The following MYOM2 variants were observed in gnomAD, a reference collection of about 807,000 sequenced individuals.
MYOM2 encodes the protein myomesin-2.
A neutral mutation model predicts 187.6 loss-of-function variants in MYOM2; 254 were observed. The ratio of observed to expected loss-of-function variants is 1.35; its 90% confidence interval spans 1.22 to 1.50. MYOM2 has a LOEUF of 1.50. Ranked by LOEUF, MYOM2 falls within the 40% of genes most tolerant of loss-of-function variation. The pLI is 0.00. For synonymous variants in MYOM2, 981 were observed against 753.8 expected (o/e 1.30, Z -4.94); for missense variants, 2,796 against 1,924.0 (o/e 1.45, Z -8.48).
intron 14 of MYOM2, among the ~76,000 whole-genome samples, chr8:2,086,538 G>GATCTCCGCGTGGCCCCCCA (rs1796081909): frequency 1.2e-5 from 1 of 80,264 alleles, no homozygotes; most frequent in African/African-American, 3.4e-5. Flanking sequence ...TGTCGTGTTT[G>GATCTCCGCGTGGCCCCCCA]CTGTGTTTTA....
At chr8:2,081,664 G>T in intron 13 of MYOM2, 1 of 155,694 alleles carries the variant, frequency 6.4e-6, no homozygotes, top group South Asian at 1.9e-4. Flanking sequence ...ATCATGTAAT[G>T]GAATGAACCT....
At chr8:2,141,057 C>A (rs1464118034) in intron 33 of MYOM2, 84 bp from the exon 34 acceptor site, 5 of 1,395,448 alleles carry the variant, frequency 3.6e-6, no homozygotes, top group Non-Finnish European at 4.9e-6. Context: ...TTTCATGAAC[C>A]AGATTCACTG....
chr8:2,079,022 A>T (rs1819531649), intron 12 of MYOM2, 89 bp downstream of exon 12: 4 of 1,301,156 alleles, frequency 3.1e-6, no homozygotes, highest in Non-Finnish European at 4.4e-6. Flanking sequence ...TCCCAACTCG[A>T]TGTGAGCCCT....
intron 31 of MYOM2, chr8:2,127,708 A>T (rs1323701628): frequency 7.5e-6 from 1 of 133,372 alleles, no homozygotes; most frequent in Non-Finnish European, 1.6e-5. Flanking sequence ...CCTCGGCGTG[A>T]CGCGGTGACG....
chr8:2,047,499 A>T (rs985380252), intron 1 of MYOM2, among the ~76,000 whole-genome samples: 3 of 152,008 alleles, frequency 2.0e-5, no homozygotes, highest in Non-Finnish European at 2.9e-5. Context: ...TGAGCTTGCT[A>T]CTCTCCCGAG....
chr8:2,053,989 C>G (rs9285034), intron 3 of MYOM2, among the ~76,000 whole-genome samples: 94,714 of 152,000 alleles, frequency 0.62, 31,799 homozygotes, highest in East Asian at 0.92. Context: ...TATTGTGAAG[C>G]CTGCTCTATC....
chr8:2,120,680 T>TATATATATATATATATATATATATAGTA, intron 28 of MYOM2, among the ~76,000 whole-genome samples: 1 of 48,294 alleles, frequency 2.1e-5, no homozygotes, highest in Middle Eastern at 0.011. Flanking sequence ...ATATATTATA[T>TATATATATATATATATATATATATAGTA]TATATATAAA....
chr8:2,098,426 G>A (rs184546319), intron 18 of MYOM2, among the ~76,000 whole-genome samples: 7 of 152,238 alleles, frequency 4.6e-5, no homozygotes, highest in Admixed American at 1.3e-4. Flanking sequence ...GGTGGGCTCC[G>A]TCTCCAGGGT....
At chr8:2,105,538 A>G (rs550477491) in intron 21 of MYOM2, among the ~76,000 whole-genome samples, 98 of 152,340 alleles carry the variant, frequency 6.4e-4, no homozygotes, top group African/African-American at 2.3e-3. Context: ...TGGTGGGCAC[A>G]TGGCTGCTGG....
At chr8:2,100,839 T>C in intron 19 of MYOM2, 37 bp from the exon 20 acceptor site, 1 of 1,611,214 alleles carries the variant, frequency 6.2e-7, no homozygotes, top group Non-Finnish European at 8.5e-7. Flanking sequence ...CTGGACTGGC[T>C]ATGCGCGCAG....
At chr8:2,080,491 A>C (rs1819583953) in intron 13 of MYOM2, among the ~76,000 whole-genome samples, 1 of 152,190 alleles carries the variant, frequency 6.6e-6, no homozygotes, top group African/African-American at 2.4e-5. Context: ...CCAAAAGAAG[A>C]CCGTTGAGAG....
At chr8:2,100,496 C>A in intron 19 of MYOM2, 1 of 234,630 alleles carries the variant, frequency 4.3e-6, no homozygotes, top group Non-Finnish European at 8.5e-6. Flanking sequence ...GTGCTTCCGG[C>A]CAGGTAGGCA....
At chr8:2,099,005 A>AC in intron 19 of MYOM2, 22 bp downstream of exon 19, 1 of 1,582,844 alleles carries the variant, frequency 6.3e-7, no homozygotes, top group Non-Finnish European at 8.6e-7. Context: ...CCCCCAGGAC[A>AC]CCCGCGTTCC....
At chr8:2,047,667 A>G (rs1460817232) in intron 1 of MYOM2, among the ~76,000 whole-genome samples, 1 of 152,184 alleles carries the variant, frequency 6.6e-6, no homozygotes, top group Non-Finnish European at 1.5e-5. Context: ...CTGAGCATGA[A>G]GTGAGCAGGG....
chr8:2,092,427 A>C lies in MYOM2; in HGVS notation c.1910A>C (p.His637Pro), dbSNP rs139300351. 3 of 1,614,148 alleles carry C rather than the reference A, an allele frequency of 1.9e-6. No individual in the cohort carries two copies. The highest frequency in any genetic ancestry group is 1.3e-5 in the African/African-American group (1 of 75,048). Reference protein sequence around the residue: ...SVVVQWDRPKHEEDLLGYYVD... With the variant: ...SVVVQWDRPKPEEDLLGYYVD... ...GTGGTGCAGTGGGACCGACCTAAGC[A>C]TGAGGAGGACCTGCTGGGCTACTAC... Residue 637 changes from histidine to proline, a missense_variant, in exon 16 of 37, where the codon CAT (histidine) becomes CCT (proline). His to Pro is a moderately conservative substitution (Grantham distance 77). Transcript: ENST00000262113.
intron 6 of MYOM2, among the ~76,000 whole-genome samples, chr8:2,066,868 C>T (rs1304195682): frequency 1.3e-5 from 2 of 152,218 alleles, no homozygotes; most frequent in Non-Finnish European, 2.9e-5. Flanking sequence ...AATAGGACAG[C>T]AGCGTAGCTT....
At chr8:2,123,723 T>C (rs1797538849) in intron 30 of MYOM2, 81 bp downstream of exon 30, 2 of 1,213,738 alleles carry the variant, frequency 1.6e-6, no homozygotes, top group South Asian at 2.5e-5. Flanking sequence ...GGCAGGTCTA[T>C]GTCTAGCCTC....
In MYOM2 at chr8:2,140,817, G is replaced by A; in HGVS notation, c.3895G>A (p.Gly1299Arg). The change falls in exon 33 of 37, where the codon GGA becomes AGA. Residue 1299 changes from glycine to arginine, a missense_variant. By Grantham distance (125) the Gly-to-Arg change is moderately radical (BLOSUM62 -2). Coordinates refer to ENST00000262113, the MANE Select transcript of MYOM2 (RefSeq NM_003970.4). ...QICEPTEKDKGKYTFEIFDGK... is the reference protein window; with the variant it reads ...QICEPTEKDKRKYTFEIFDGK... The stretch of plus-strand genomic sequence containing the variant: ...ATGTGAGCCGACTGAGAAGGATAAA[G>A]GAAAATACACTTTTGAGATTTTCGA... 2.5e-6 allele frequency: 4 copies of A among 1,614,032 alleles called. No homozygotes were observed. Among genetic ancestry groups the A allele is most frequent in the Non-Finnish European group, 3.4e-6 (4 of 1,179,942 alleles).
At chr8:2,139,866 G>T (rs1443630724) in intron 32 of MYOM2, among the ~76,000 whole-genome samples, 1 of 152,190 alleles carries the variant, frequency 6.6e-6, no homozygotes, top group Admixed American at 6.5e-5. Flanking sequence ...TAGAAGGCGG[G>T]AATGTATGAG....
Sources: gnomAD v4.1 joint callset for allele counts (sites outside exome capture counted in the v4.1 genomes callset) on GRCh38, gnomAD v4.1.1 for gene constraint, MANE v1.5 for transcripts, NCBI Gene and HGNC (gene_info 2026-07-23, HGNC 2026-07-21) for gene names.